Variants in KHDRBS2 observed in about 807,000 individuals in gnomAD.
The protein encoded by KHDRBS2 is KH domain-containing, RNA-binding, signal transduction-associated protein 2.
A neutral mutation model predicts 44.3 loss-of-function variants in KHDRBS2; 26 were observed. That is an observed-to-expected ratio of 0.59 (90% CI 0.43 to 0.81). The LOEUF (loss-of-function observed/expected upper bound fraction) is 0.81. Among genes scored for constraint, KHDRBS2 ranks in the 40% least tolerant of loss-of-function variants. The probability of loss-of-function intolerance (pLI) is 0.00; values close to 1 mark genes in which losing one functional copy is unlikely to be tolerated. For missense variants in KHDRBS2, 476 were observed against 433.1 expected, an observed-to-expected ratio of 1.10 and a Z score of -0.88; for synonymous variants, 194 against 151.1, an observed-to-expected ratio of 1.28 and a Z score of -2.08.
At chr6:62,166,359 T>C (rs1411246912) in intron 2 of KHDRBS2, among the ~76,000 whole-genome samples, 1 of 152,066 alleles carries the variant, frequency 6.6e-6, no homozygotes, top group Non-Finnish European at 1.5e-5. Flanking sequence ...TCTACAGTTT[T>C]ATTTTTTGTG....
At chr6:62,060,123 T>C (rs1309798541) in intron 2 of KHDRBS2, among the ~76,000 whole-genome samples, 3 of 151,618 alleles carry the variant, frequency 2.0e-5, no homozygotes, top group African/African-American at 4.8e-5. Flanking sequence ...AGGAGTAACA[T>C]GTGAGAAAAC....
intron 4 of KHDRBS2, among the ~76,000 whole-genome samples, chr6:61,912,395 G>A (rs2127352224): frequency 6.6e-6 from 1 of 152,218 alleles, no homozygotes; most frequent in South Asian, 2.1e-4. Context: ...GCCTCAATAG[G>A]AAACATCTGT....
At chr6:62,006,459 C>A (rs1374808351) in intron 3 of KHDRBS2, among the ~76,000 whole-genome samples, 4 of 151,866 alleles carry the variant, frequency 2.6e-5, no homozygotes, top group Admixed American at 2.6e-4. Context: ...AAGGTCAGAG[C>A]TGAAGGTAGA....
the KHDRBS2 span, among the ~76,000 whole-genome samples, chr6:61,607,832 T>A: frequency 1.3e-5 from 2 of 152,076 alleles, no homozygotes; most frequent in Non-Finnish European, 2.9e-5. Context: ...GGATTACAGC[T>A]GTGCACCACC....
At chr6:62,125,032 T>C (rs1041577456) in intron 2 of KHDRBS2, among the ~76,000 whole-genome samples, 6 of 152,176 alleles carry the variant, frequency 3.9e-5, no homozygotes, top group Non-Finnish European at 1.5e-5. Context: ...GGCCACTTGT[T>C]TGTCTTTTGA....
chr6:61,843,341 T>TTTATTA (rs70993183), intron 6 of KHDRBS2, among the ~76,000 whole-genome samples: 4,414 of 143,328 alleles, frequency 0.031, 90 homozygotes, highest in African/African-American at 0.053. Context: ...TTATATCTAT[T>TTTATTA]TTATTATTAT....
intron 6 of KHDRBS2, among the ~76,000 whole-genome samples, chr6:61,780,270 G>A (rs962122201): frequency 1.3e-5 from 2 of 152,184 alleles, no homozygotes; most frequent in Admixed American, 6.5e-5. Flanking sequence ...GGAAACCAAA[G>A]CAGGTGGTTC....
chr6:61,809,264 G>T (rs1787709210), intron 6 of KHDRBS2, among the ~76,000 whole-genome samples: 1 of 152,100 alleles, frequency 6.6e-6, no homozygotes, highest in African/African-American at 2.4e-5. Flanking sequence ...CCAGTAATGT[G>T]GCTTCTGTTG....
chr6:61,827,781 CAGGCTCTCTAGTGTCTCTTCTTATAA>C (rs1308950149), intron 6 of KHDRBS2, among the ~76,000 whole-genome samples: 8 of 152,158 alleles, frequency 5.3e-5, no homozygotes, highest in Admixed American at 3.9e-4. Context: ...AAAGAGACAG[CAGGCTCTCTAGTGTCTCTTCTTATAA>C]AGGCACTAAT....
chr6:61,567,040 C>T, the KHDRBS2 span, among the ~76,000 whole-genome samples: 1 of 152,102 alleles, frequency 6.6e-6, no homozygotes, highest in Non-Finnish European at 1.5e-5. Context: ...AGGGAGAAGG[C>T]TGGGGAATGT....
intron 5 of KHDRBS2, among the ~76,000 whole-genome samples, chr6:61,898,327 T>C (rs1803311147): frequency 6.6e-6 from 1 of 151,986 alleles, no homozygotes. Flanking sequence ...ATAACAAATA[T>C]ATAGTATCGA....
chr6:61,862,786 T>C (rs1252822410), intron 6 of KHDRBS2, among the ~76,000 whole-genome samples: 1 of 152,160 alleles, frequency 6.6e-6, no homozygotes, highest in East Asian at 1.9e-4. Flanking sequence ...GTTTTCCTTT[T>C]GGTGATATCT....
chr6:62,029,465 A>T (rs150010017), intron 3 of KHDRBS2, among the ~76,000 whole-genome samples: 74 of 152,088 alleles, frequency 4.9e-4, no homozygotes, highest in Middle Eastern at 3.4e-3. Context: ...TAAATCTAGC[A>T]TATATTATAA....
intron 2 of KHDRBS2, among the ~76,000 whole-genome samples, chr6:62,137,997 T>C (rs73758680): frequency 0.01 from 1,567 of 152,326 alleles, 31 homozygotes; most frequent in African/African-American, 0.035. Flanking sequence ...TGTTTTGCTG[T>C]AAAGTTCACT....
At chr6:62,104,100 G>A (rs1480477580) in intron 2 of KHDRBS2, among the ~76,000 whole-genome samples, 2 of 152,132 alleles carry the variant, frequency 1.3e-5, no homozygotes, top group African/African-American at 4.8e-5. Flanking sequence ...TACTTTAAAT[G>A]ATTGCTGTTT....
chr6:62,047,318 C>A (rs1423144618), intron 3 of KHDRBS2, among the ~76,000 whole-genome samples: 3 of 151,894 alleles, frequency 2.0e-5, no homozygotes, highest in African/African-American at 7.2e-5. Flanking sequence ...TGAAATAAAT[C>A]ATTTCAAACA....
At chr6:61,993,671 ATATTTT>A (rs1407455508) in intron 3 of KHDRBS2, among the ~76,000 whole-genome samples, 9 of 121,914 alleles carry the variant, frequency 7.4e-5, no homozygotes, top group African/African-American at 2.7e-4. Context: ...ATATATATAT[ATATTTT>A]TTTTTTTTGA....
intron 4 of KHDRBS2, among the ~76,000 whole-genome samples, chr6:61,902,506 A>AACACAC (rs34224070): frequency 3.3e-5 from 5 of 149,596 alleles, no homozygotes; most frequent in South Asian, 2.1e-4. Context: ...TTTACTAATC[A>AACACAC]ACACACACAC....
chr6:61,960,114 T>G (rs1460888133), intron 4 of KHDRBS2, among the ~76,000 whole-genome samples: 1 of 152,050 alleles, frequency 6.6e-6, no homozygotes, highest in Non-Finnish European at 1.5e-5. Flanking sequence ...GCTTCACAGC[T>G]CTCTGTGATG....
Sources: gnomAD v4.1 joint callset for allele counts (sites outside exome capture counted in the v4.1 genomes callset) on GRCh38, gnomAD v4.1.1 for gene constraint, MANE v1.5 for transcripts, NCBI Gene and HGNC (gene_info 2026-07-23, HGNC 2026-07-21) for gene names.